UNC80: variants seen among roughly 807,000 people sequenced by gnomAD.
UNC80 encodes the protein protein unc-80 homolog.
UNC80 carries 164 observed loss-of-function variants against 384.6 expected under a neutral mutation model. That is an observed-to-expected ratio of 0.43 (90% confidence interval 0.38 to 0.49). The LOEUF (loss-of-function observed/expected upper bound fraction) is 0.49, where lower values mean the gene tolerates loss of function less well. UNC80 is among the 20% of genes least tolerant of loss of function. The pLI is 0.00. For synonymous variants in UNC80, 1,486 were observed against 1,527.8 expected (o/e 0.97, Z 0.64); for missense variants, 3,330 against 4,143.0 (o/e 0.80, Z 5.39).
At position 209,820,352 on chromosome 2, in the gene UNC80, C is replaced by G. The variant is rs1028865060; in HGVS notation, c.2004C>G (p.Ile668Met). The change falls in exon 13 of 65, where the codon ATC becomes ATG. Residue 668 changes from isoleucine (I) to methionine (M), a missense_variant. By Grantham distance (10) the Ile-to-Met change is conservative. Transcript: ENST00000673920. ...TTTATCTTGTCCTTAATCATGACAT[C>G]AGCTCTCGTATCTGTGACGTGGCGC... The part of the protein sequence containing the change: ...KAVYLVLNHD[I>M]SSRICDVALN... The G allele has an allele frequency of 1.0e-5, 16 of 1,550,778 alleles. No homozygotes were observed. Among genetic ancestry groups the G allele is most frequent in the Non-Finnish European group, 9.6e-6 (11 of 1,146,636 alleles).
intron 4 of UNC80, among the ~76,000 whole-genome samples, chr2:209,780,319 A>G (rs1221270442): frequency 2.6e-5 from 4 of 152,128 alleles, no homozygotes; most frequent in African/African-American, 9.7e-5. Context: ...TAGTGGTAAT[A>G]ATATATTTAT....
rs1436610464 is a variant in UNC80 at position 209,820,661 on chromosome 2, T to C, written c.2313T>C (p.Asn771=). 2.6e-6 allele frequency: 4 copies of C among 1,544,512 alleles called. No homozygotes were observed. The African/African-American group carries it at 5.5e-5, about 21-fold the overall frequency. The change falls in exon 13 of 65, where the codon AAT becomes AAC. Residue 771 remains asparagine, a synonymous_variant. Transcript: ENST00000673920. ...GGGGGGPYEK[N]DKNQEKDEST... ...GTGGAGGCGGCCCTTATGAGAAGAATGATAAGAACCAAGAGAAGGTATGAC... is the reference window on the plus strand; with the variant it reads ...GTGGAGGCGGCCCTTATGAGAAGAACGATAAGAACCAAGAGAAGGTATGAC...
chr2:209,858,577 C>G (rs1309199755), intron 22 of UNC80, among the ~76,000 whole-genome samples: 2 of 151,734 alleles, frequency 1.3e-5, no homozygotes, highest in African/African-American at 4.8e-5. Context: ...GCCTGTAATC[C>G]CAGCTTCTTG....
intron 33 of UNC80, among the ~76,000 whole-genome samples, chr2:209,921,244 T>G (rs1282583073): frequency 6.6e-6 from 1 of 152,198 alleles, no homozygotes; most frequent in East Asian, 1.9e-4. Context: ...CTGCAAATCC[T>G]GAGATGAAAT....
At chr2:209,829,695 T>C (rs1455988351) in intron 15 of UNC80, among the ~76,000 whole-genome samples, 2 of 152,142 alleles carry the variant, frequency 1.3e-5, no homozygotes, top group Non-Finnish European at 2.9e-5. Flanking sequence ...TAACATTCTG[T>C]TATATGACCT....
intron 25 of UNC80, 133 bp downstream of exon 25, chr2:209,881,227 G>T: frequency 2.0e-6 from 2 of 1,016,608 alleles, no homozygotes; most frequent in South Asian, 4.4e-5. Context: ...TTCAACCAAG[G>T]GATTTTGAAA....
intron 61 of UNC80, among the ~76,000 whole-genome samples, chr2:209,989,139 C>T (rs897301507): frequency 1.4e-5 from 2 of 142,816 alleles, no homozygotes; most frequent in South Asian, 2.3e-4. Context: ...ATGGTGAAAC[C>T]CTGTGTCTAC....
intron 22 of UNC80, among the ~76,000 whole-genome samples, chr2:209,860,564 G>GT (rs1216109731): frequency 6.6e-6 from 1 of 152,138 alleles, no homozygotes; most frequent in Non-Finnish European, 1.5e-5. Context: ...ATTTAGAATA[G>GT]TTTTTTCTAA....
intron 22 of UNC80, among the ~76,000 whole-genome samples, chr2:209,851,821 G>A (rs1027798755): frequency 6.6e-6 from 1 of 151,946 alleles, no homozygotes; most frequent in Non-Finnish European, 1.5e-5. Context: ...ACTGGAACCC[G>A]GGTCTATCTT....
intron 7 of UNC80, chr2:209,809,557 G>A (rs966922144): frequency 2.2e-5 from 20 of 904,676 alleles, no homozygotes; most frequent in Admixed American, 5.4e-5. Flanking sequence ...CCAAGAGTCG[G>A]GCTGCTCAGG....
intron 44 of UNC80, among the ~76,000 whole-genome samples, chr2:209,942,570 A>G (rs1172193585): frequency 6.6e-6 from 1 of 152,160 alleles, no homozygotes; most frequent in Non-Finnish European, 1.5e-5. Context: ...TCTATTTTTG[A>G]GGAAGTTTTG....
At position 209,891,898 on chromosome 2, in the gene UNC80, G is replaced by A. The variant is rs193086811; in HGVS notation, c.4277-2265G>A. Among the ~76,000 whole-genome samples, 329 of 152,196 alleles carry A rather than the reference G, an allele frequency of 2.2e-3. 1 individual carries two copies. Among genetic ancestry groups the A allele is most frequent in the African/African-American group, 7.6e-3 (317 of 41,568 alleles). On this transcript the variant is annotated intron_variant, in intron 26 of 64. Coordinates refer to ENST00000673920, the MANE Select transcript of UNC80 (RefSeq NM_001371986.1). The stretch of plus-strand genomic sequence containing the variant: ...TTAAAATTTTATACCATTTGGTTTT[G>A]TAAAACCTTAAGATGCCAGTTCTTG...
At chr2:209,808,283 C>T (rs2079036346) in intron 7 of UNC80, among the ~76,000 whole-genome samples, 1 of 124,040 alleles carries the variant, frequency 8.1e-6, no homozygotes, top group Non-Finnish European at 2.0e-5. Context: ...GTGTTCAAGG[C>T]TGGGCGTGGT....
intron 25 of UNC80, among the ~76,000 whole-genome samples, chr2:209,881,619 G>A (rs1397385037): frequency 6.6e-6 from 1 of 150,780 alleles, no homozygotes; most frequent in Admixed American, 6.6e-5. Flanking sequence ...CCATGCATGT[G>A]TGCATGCACA....
At chr2:209,890,623 A>G (rs2086239975) in intron 26 of UNC80, among the ~76,000 whole-genome samples, 1 of 152,246 alleles carries the variant, frequency 6.6e-6, no homozygotes, top group South Asian at 2.1e-4. Context: ...AATGGGTGAT[A>G]TATAGTAACT....
chr2:209,810,096 G>A (rs1334804965), intron 7 of UNC80, among the ~76,000 whole-genome samples: 1 of 152,142 alleles, frequency 6.6e-6, no homozygotes, highest in Admixed American at 6.5e-5. Context: ...ACCAGGACGT[G>A]TCAGAGCCTA....
chr2:209,808,524 TA>T (rs535979983), intron 7 of UNC80, among the ~76,000 whole-genome samples: 155 of 120,742 alleles, frequency 1.3e-3, no homozygotes, highest in Admixed American at 1.7e-3. Context: ...ATCGCGCCAC[TA>T]AAAAAAAAAA....
intron 59 of UNC80, among the ~76,000 whole-genome samples, chr2:209,979,831 A>G (rs1314663893): frequency 6.6e-6 from 1 of 152,248 alleles, no homozygotes; most frequent in African/African-American, 2.4e-5. Flanking sequence ...GAGGCTCTCC[A>G]TACCAAACAA....
intron 6 of UNC80, among the ~76,000 whole-genome samples, chr2:209,793,353 C>T (rs776958658): frequency 1.3e-5 from 2 of 152,172 alleles, no homozygotes; most frequent in Admixed American, 6.5e-5. Context: ...TAACCTGGTG[C>T]TTCTATTTTA....
Sources: gnomAD v4.1 joint callset for allele counts (sites outside exome capture counted in the v4.1 genomes callset) on GRCh38, gnomAD v4.1.1 for gene constraint, MANE v1.5 for transcripts, NCBI Gene and HGNC (gene_info 2026-07-23, HGNC 2026-07-21) for gene names.